The following EPB41L3 variants were observed in gnomAD, a reference collection of about 807,000 sequenced individuals.
EPB41L3 encodes erythrocyte membrane protein band 4.1 like 3, also known as band 4.1-like protein 3.
Under a neutral mutation model 127.1 loss-of-function variants are expected in EPB41L3, and 57 were observed. The observed-to-expected ratio is 0.45, with a 90% CI of 0.36 to 0.56. The LOEUF (loss-of-function observed/expected upper bound fraction) is 0.56, where lower values mean the gene tolerates loss of function less well. EPB41L3 is among the 20% of genes least tolerant of loss of function. The pLI is 0.00. For missense variants in EPB41L3, 1,273 were observed against 1,372.2 expected, an observed-to-expected ratio of 0.93 and a Z score of 1.14; for synonymous variants, 572 against 549.5, an observed-to-expected ratio of 1.04 and a Z score of -0.57.
At chr18:5,567,746 C>T (rs183798908) in intron 3 of EPB41L3, among the ~76,000 whole-genome samples, 13 of 152,214 alleles carry the variant, frequency 8.5e-5, no homozygotes, top group Non-Finnish European at 1.3e-4. Flanking sequence ...GAAAAAAATG[C>T]TCTGCCTGTA....
intron 3 of EPB41L3, among the ~76,000 whole-genome samples, chr18:5,575,368 G>C (rs1222694229): frequency 6.6e-6 from 1 of 152,070 alleles, no homozygotes; most frequent in African/African-American, 2.4e-5. Context: ...ATGGCTTGGT[G>C]CTGCCCTCAT....
At chr18:5,444,148 C>T (rs141146263) in intron 4 of EPB41L3, among the ~76,000 whole-genome samples, 2 of 152,248 alleles carry the variant, frequency 1.3e-5, no homozygotes, top group East Asian at 3.9e-4. Context: ...GGGATTCAAG[C>T]TAGCACAGAA....
intron 1 of EPB41L3, among the ~76,000 whole-genome samples, chr18:5,505,270 C>G (rs2092057209): frequency 6.6e-6 from 1 of 152,136 alleles, no homozygotes; most frequent in Admixed American, 6.5e-5. Flanking sequence ...AATCCATCCT[C>G]CCAGAGTCTG....
intron 3 of EPB41L3, among the ~76,000 whole-genome samples, chr18:5,606,290 ATC>A (rs1379995398): frequency 6.6e-6 from 1 of 152,240 alleles, no homozygotes; most frequent in Admixed American, 6.5e-5. Flanking sequence ...TATCGATAAC[ATC>A]TTTACATGAG....
rs2077248965 is a variant in EPB41L3, at chr18:5,419,778, T to C, written c.1439A>G (p.Glu480Gly). ...CCCCTTCCTCCGTTTGTCCTCTTCC[T>C]CGTCCCGCTCCTCCTCAGCCTTCTT... The part of the protein sequence containing the change: ...PEKKAEEERD[E>G]EEDKRRKGEE... The change falls in exon 12 of 23, where the codon GAG (glutamate) becomes GGG (glycine). Residue 480 changes from glutamate (E) to glycine (G), a missense_variant. Physicochemically the swap from Glu to Gly is moderately conservative, Grantham distance 98. Coordinates refer to ENST00000341928, the MANE Select transcript of EPB41L3 (RefSeq NM_012307.5). The C allele has an allele frequency of 6.2e-7, 1 of 1,614,078 alleles. No homozygotes were observed. Among genetic ancestry groups the C allele is most frequent in the African/African-American group, 1.3e-5 (1 of 74,924 alleles).
intron 1 of EPB41L3, among the ~76,000 whole-genome samples, chr18:5,622,430 A>G (rs1435172795): frequency 1.3e-5 from 2 of 152,242 alleles, no homozygotes; most frequent in Non-Finnish European, 2.9e-5. Flanking sequence ...CCAGATAGCC[A>G]GCTAGTACCT....
In EPB41L3 at chr18:5,393,032, G is replaced by A. The variant is rs2072655027; in HGVS notation, c.*453C>T. ...AAATCTGACACACCGGACGGACCTA[G>A]ACAGCTTCTAGCATTTGAGGGTAAT... On this transcript the variant is annotated 3_prime_UTR_variant, in exon 23 of 23. Transcript: ENST00000341928. The A allele has an allele frequency of 6.4e-6, 1 of 155,796 alleles. No individual in the cohort carries two copies. The highest frequency in any genetic ancestry group is 2.0e-4 in the South Asian group (1 of 4,896). The allele number at this position is 155,796 out of a possible 1,614,324, so 9.7% of individuals were successfully genotyped here.
chr18:5,578,103 TG>T lies in EPB41L3; in HGVS notation c.-306+34236del, dbSNP rs34172512. 3.3e-3 allele frequency among the ~76,000 whole-genome samples: 495 copies of T among 148,828 alleles called. 3 individuals carry two copies. Among genetic ancestry groups the T allele is most frequent in the African/African-American group, 0.011 (466 of 40,770 alleles). Reference sequence around the variant, plus strand: ...GTCCACTGATAGGAGGCTCCAGGGTTGGGGGGGTGGCGGGGTGGGACAGGGC... The same window carrying T: ...GTCCACTGATAGGAGGCTCCAGGGTTGGGGGGTGGCGGGGTGGGACAGGGC... On this transcript the variant is annotated intron_variant, in intron 3 of 21. Transcript: ENST00000545076.
intron 1 of EPB41L3, among the ~76,000 whole-genome samples, chr18:5,511,166 A>C (rs1312993389): frequency 6.6e-6 from 1 of 152,110 alleles, no homozygotes; most frequent in African/African-American, 2.4e-5. Flanking sequence ...ATTATCATCC[A>C]CAGGCCTCCC....
chr18:5,466,082 T>C (rs1460314325), intron 3 of EPB41L3, among the ~76,000 whole-genome samples: 7 of 152,182 alleles, frequency 4.6e-5, no homozygotes, highest in Admixed American at 2.0e-4. Flanking sequence ...CACTGAATTA[T>C]GTAATTGCCA....
At chr18:5,524,094 A>G (rs1023458185) in intron 1 of EPB41L3, among the ~76,000 whole-genome samples, 1 of 152,144 alleles carries the variant, frequency 6.6e-6, no homozygotes, top group East Asian at 1.9e-4. Context: ...ATTATTCCCA[A>G]CTGAATAAAT....
At chr18:5,555,240 G>A (rs2094017636) in intron 3 of EPB41L3, among the ~76,000 whole-genome samples, 1 of 152,080 alleles carries the variant, frequency 6.6e-6, no homozygotes, top group Admixed American at 6.5e-5. Flanking sequence ...CCAAGTTCCA[G>A]GACCTCCCAT....
At chr18:5,457,781 C>A (rs2083346890) in intron 3 of EPB41L3, among the ~76,000 whole-genome samples, 1 of 152,150 alleles carries the variant, frequency 6.6e-6, no homozygotes, top group African/African-American at 2.4e-5. Flanking sequence ...ACCTCCACGC[C>A]CCGAAGCCTT....
chr18:5,418,488 C>T (rs1397156420), intron 12 of EPB41L3, among the ~76,000 whole-genome samples: 2 of 151,956 alleles, frequency 1.3e-5, no homozygotes, highest in African/African-American at 4.8e-5. Context: ...AGAAGAACCA[C>T]ATATTTGTTT....
intron 4 of EPB41L3, 69 bp from the exon 5 acceptor site, chr18:5,443,949 C>T (rs1229664821): frequency 1.5e-6 from 2 of 1,322,348 alleles, no homozygotes; most frequent in Non-Finnish European, 2.1e-6. Flanking sequence ...TGATTAGGTA[C>T]AGACTCTCCC....
chr18:5,401,031 T>C (rs2074412943), intron 16 of EPB41L3: 2 of 1,534,406 alleles, frequency 1.3e-6, no homozygotes, highest in African/African-American at 1.4e-5. Flanking sequence ...GAAATCTCTG[T>C]TTCTTCTTTG....
At position 5,414,868 on chromosome 18, in the gene EPB41L3, A is replaced by G. The variant is rs143373648; in HGVS notation, c.2067+950T>C. On this transcript the variant is annotated intron_variant, in intron 13 of 22. Coordinates refer to ENST00000341928, the MANE Select transcript of EPB41L3 (RefSeq NM_012307.5). ...ACTGGCTACCATGTCAGCTCGCCCA[A>G]TTGCTCGAGTCGGGGACAGGAGCCT... Among the ~76,000 whole-genome samples, 498 of 152,288 alleles carry G rather than the reference A, an allele frequency of 3.3e-3. 1 individual carries two copies. Among genetic ancestry groups the G allele is most frequent in the African/African-American group, 0.011 (444 of 41,566 alleles).
At chr18:5,583,150 G>C (rs1701656139) in intron 3 of EPB41L3, among the ~76,000 whole-genome samples, 1 of 152,158 alleles carries the variant, frequency 6.6e-6, no homozygotes. Context: ...CTGTCAGGTA[G>C]GGTGGCTGAG....
chr18:5,556,483 C>T (rs1272105633), intron 3 of EPB41L3, among the ~76,000 whole-genome samples: 2 of 152,192 alleles, frequency 1.3e-5, no homozygotes, highest in Non-Finnish European at 2.9e-5. Flanking sequence ...AATGCTGCCA[C>T]AAGAGGCGGG....
Sources: allele counts gnomAD v4.1 joint callset (sites outside exome capture counted in the v4.1 genomes callset), GRCh38; gene constraint gnomAD v4.1.1; transcripts MANE v1.5; gene names NCBI Gene and HGNC (gene_info 2026-07-23, HGNC 2026-07-21).